ADA2: variants seen among roughly 807,000 people sequenced by gnomAD.
ADA2 encodes adenosine deaminase 2, also known as adenosine deaminase CECR1.
Under a neutral mutation model 44.2 loss-of-function variants are expected in ADA2, and 29 were observed. That is an observed-to-expected ratio of 0.66 (90% CI 0.49 to 0.89). The LOEUF is 0.89. ADA2 is among the 40% of genes least tolerant of loss of function. The pLI is 0.00. For missense variants in ADA2, 637 were observed against 644.8 expected, an observed-to-expected ratio of 0.99 and a Z score of 0.13; for synonymous variants, 215 against 234.9, an observed-to-expected ratio of 0.92 and a Z score of 0.77.
At chr22:17,208,838 A>ATTTTTTTTTTTTTTTTTTTTTTTTTTTTT (rs796662081) in intron 2 of ADA2, among the ~76,000 whole-genome samples, 20 of 142,998 alleles carry the variant, frequency 1.4e-4, no homozygotes, top group African/African-American at 5.0e-4. Flanking sequence ...AAAAATTAAC[A>ATTTTTTTTTTTTTTTTTTTTTTTTTTTTT]TTTTTTGGGG....
chr22:17,186,813 G>C (rs1480756940), intron 7 of ADA2, among the ~76,000 whole-genome samples: 1 of 150,680 alleles, frequency 6.6e-6, no homozygotes, highest in South Asian at 2.1e-4. Flanking sequence ...AGGTTGCAGT[G>C]AGCCAAGATC....
Position 17,209,694 on chromosome 22 carries a change from G to C in ADA2, c.-17C>G, listed in dbSNP as rs772409352. On this transcript the variant is annotated 5_prime_UTR_variant, in exon 2 of 10. Coordinates refer to ENST00000399837, the MANE Select transcript of ADA2 (RefSeq NM_001282225.2). ...CACCAACATCGGGATGCCTGGACTA[G>C]GAAAGGGCTCAGATGGAGACTCCAC... 9.3e-6 allele frequency: 15 copies of C among 1,604,882 alleles called. No homozygotes were observed. In the East Asian group the frequency reaches 3.3e-4, roughly 36 times the overall value.
intron 7 of ADA2, among the ~76,000 whole-genome samples, chr22:17,185,837 T>C (rs3788275): frequency 0.88 from 133,010 of 151,766 alleles, 58,378 homozygotes; most frequent in East Asian, 0.92. Flanking sequence ...TCCACCCCTC[T>C]TTGGTCTTCC....
At chr22:17,205,152 G>T (rs557261969) in intron 3 of ADA2, among the ~76,000 whole-genome samples, 9 of 152,136 alleles carry the variant, frequency 5.9e-5, no homozygotes, top group Admixed American at 5.9e-4. Context: ...CGAGTAGCTG[G>T]GATTACAGGT....
In ADA2 at chr22:17,209,469, TCAGCGA is replaced by T; in HGVS notation, c.203_208del (p.Ile68_Glu70delinsLys). 6.2e-7 allele frequency: 1 copy of T among 1,614,148 alleles called. No individual in the cohort carries two copies. Among genetic ancestry groups the T allele is most frequent in the Non-Finnish European group, 8.5e-7 (1 of 1,180,034 alleles). ...CAGGGTCCTCATGGCCTCCTTCATCTCAGCGATTTTGAGCGTCATGAGCCTCTCATT... is the reference window on the plus strand; with the variant it reads ...CAGGGTCCTCATGGCCTCCTTCATCTTTTTGAGCGTCATGAGCCTCTCATT... On this transcript the variant is annotated inframe_deletion, in exon 2 of 10. Transcript: ENST00000399837.
chr22:17,184,357 C>T (rs545890370), intron 7 of ADA2, among the ~76,000 whole-genome samples: 1 of 152,190 alleles, frequency 6.6e-6, no homozygotes, highest in South Asian at 2.1e-4. Context: ...ATAGCCTTAA[C>T]GCTGGACTGG....
At chr22:17,184,982 A>AT (rs1312962488) in intron 7 of ADA2, among the ~76,000 whole-genome samples, 43 of 97,718 alleles carry the variant, frequency 4.4e-4, no homozygotes, top group African/African-American at 1.7e-3. Flanking sequence ...GCCCATGTCA[A>AT]AATATATATA....
intron 3 of ADA2, among the ~76,000 whole-genome samples, 166 bp downstream of exon 3, chr22:17,206,905 T>C (rs1352172026): frequency 1.3e-5 from 2 of 152,172 alleles, no homozygotes; most frequent in Non-Finnish European, 2.9e-5. Context: ...CCGCTCGCCT[T>C]GGCCTCCCAA....
At chr22:17,189,634 A>G in intron 6 of ADA2, 1 of 317,508 alleles carries the variant, frequency 3.1e-6, no homozygotes, top group South Asian at 3.4e-5. Context: ...GGCCATGGGG[A>G]ATGAGCCCAT....
intron 3 of ADA2, among the ~76,000 whole-genome samples, chr22:17,206,259 C>G (rs1234226271): frequency 1.3e-5 from 2 of 152,068 alleles, no homozygotes; most frequent in Non-Finnish European, 2.9e-5. Context: ...GAGTTCAAGA[C>G]CAGCCTGGCC....
chr22:17,211,791 G>A (rs1444747427), intron 1 of ADA2, among the ~76,000 whole-genome samples: 1 of 151,920 alleles, frequency 6.6e-6, no homozygotes, highest in African/African-American at 2.4e-5. Flanking sequence ...AGCTGGGCGT[G>A]GTGGCATGCA....
chr22:17,185,297 T>A (rs1157215540), intron 7 of ADA2, among the ~76,000 whole-genome samples: 1 of 151,442 alleles, frequency 6.6e-6, no homozygotes, highest in African/African-American at 2.4e-5. Flanking sequence ...GCCCGAGTAG[T>A]CCCAGCTACT....
At chr22:17,194,150 T>C (rs774136726) in intron 4 of ADA2, among the ~76,000 whole-genome samples, 10 of 152,134 alleles carry the variant, frequency 6.6e-5, no homozygotes, top group Non-Finnish European at 1.3e-4. Context: ...GAATGGTGGC[T>C]CCACACAGAG....
At chr22:17,194,824 A>T (rs1161769942) in intron 4 of ADA2, among the ~76,000 whole-genome samples, 2 of 151,972 alleles carry the variant, frequency 1.3e-5, no homozygotes, top group Non-Finnish European at 2.9e-5. Context: ...CCAATAGGCC[A>T]CTTTAGCAGA....
chr22:17,190,088 C>A (rs762058436), intron 5 of ADA2, 56 bp from the exon 6 acceptor site: 160 of 1,336,610 alleles, frequency 1.2e-4, no homozygotes, highest in Middle Eastern at 3.6e-4. Flanking sequence ...AGAGCACAAA[C>A]CCCAGAGCAC....
intron 2 of ADA2, 39 bp downstream of exon 2, chr22:17,209,317 C>T: frequency 6.4e-7 from 1 of 1,555,356 alleles, no homozygotes; most frequent in Non-Finnish European, 8.8e-7. Flanking sequence ...AGTCCCTCTA[C>T]CTTCCCAGCA....
At chr22:17,216,869 A>G (rs2062479532) in intron 1 of ADA2, among the ~76,000 whole-genome samples, 1 of 152,092 alleles carries the variant, frequency 6.6e-6, no homozygotes, top group African/African-American at 2.4e-5. Flanking sequence ...ACCAGAGCAC[A>G]AGATCATAAG....
Position 17,203,614 on chromosome 22 carries a change from C to T in ADA2, c.702G>A (p.Glu234=), listed in dbSNP as rs528271447. The T allele has an allele frequency of 1.7e-4, 270 of 1,613,722 alleles. No individual in the cohort carries two copies. Among genetic ancestry groups the T allele is most frequent in the South Asian group, 2.7e-4 (25 of 91,056 alleles). Residue 234 remains glutamate (E), a synonymous_variant, in exon 4 of 10, where the codon GAG becomes GAA. Transcript: ENST00000399837. ...TGTAGAGCACGTTGTCCTCGTAGAA[C>T]TCCTGCATGCTCCGGAAGACATAGT... ...FRDYVFRSMQ[E]FYEDNVLYME...
rs2061959331 is a variant in ADA2, at chr22:17,180,743, A to G, written c.*740T>C. 1 of 152,248 alleles carries G rather than the reference A, an allele frequency of 6.6e-6. No homozygotes were observed. Among genetic ancestry groups the G allele is most frequent in the Admixed American group, 6.5e-5 (1 of 15,272 alleles). 9.4% of individuals were successfully genotyped at this position (152,248 alleles called of 1,614,324 possible). ...TCCAAGTGCATAAATAAATGTGGGAATCATTAACAAATAAATGGTATGAAA... is the reference window on the plus strand; with the variant it reads ...TCCAAGTGCATAAATAAATGTGGGAGTCATTAACAAATAAATGGTATGAAA... On this transcript the variant is annotated 3_prime_UTR_variant, in exon 10 of 10. Coordinates refer to ENST00000399837, the MANE Select transcript of ADA2 (RefSeq NM_001282225.2).
Sources: allele counts gnomAD v4.1 joint callset (sites outside exome capture counted in the v4.1 genomes callset), GRCh38; gene constraint gnomAD v4.1.1; transcripts MANE v1.5; gene names NCBI Gene and HGNC (gene_info 2026-07-23, HGNC 2026-07-21).